GRIK1: variants seen among roughly 807,000 people sequenced by gnomAD.
GRIK1 encodes glutamate receptor ionotropic, kainate 1.
In GRIK1, 69 loss-of-function variants were observed where a neutral mutation model predicts 105.7. That is an observed-to-expected ratio of 0.65 (90% CI 0.54 to 0.80). The LOEUF (loss-of-function observed/expected upper bound fraction) is 0.80, where lower values mean the gene tolerates loss of function less well. GRIK1 is among the 30% of genes least tolerant of loss of function. GRIK1 has a pLI of 0.00. For missense variants in GRIK1, 1,109 were observed against 1,167.3 expected (o/e 0.95, Z 0.73); for synonymous variants, 438 against 431.3 (o/e 1.02, Z -0.19).
chr21:29,845,456 G>A (rs891281100), intron 1 of GRIK1, among the ~76,000 whole-genome samples: 1 of 151,924 alleles, frequency 6.6e-6, no homozygotes, highest in Non-Finnish European at 1.5e-5. Flanking sequence ...TTAATCCTGC[G>A]TTGGTTACTC....
At chr21:29,628,334 G>A (rs188606233) in intron 7 of GRIK1, among the ~76,000 whole-genome samples, 303 of 152,270 alleles carry the variant, frequency 2.0e-3, no homozygotes, top group African/African-American at 6.9e-3. Context: ...TTTATCATAT[G>A]TTCATCTGTT....
At chr21:29,541,943 T>C (rs955590870) in intron 16 of GRIK1, among the ~76,000 whole-genome samples, 6 of 152,188 alleles carry the variant, frequency 3.9e-5, no homozygotes, top group African/African-American at 1.4e-4. Flanking sequence ...TAATGTCTGA[T>C]AGAAAAATTC....
chr21:29,809,263 A>C (rs1220383603), intron 1 of GRIK1, among the ~76,000 whole-genome samples: 1 of 152,206 alleles, frequency 6.6e-6, no homozygotes, highest in African/African-American at 2.4e-5. Context: ...GACCACTGCA[A>C]TAAAGTGAAT....
rs753770239 is a variant in GRIK1, at chr21:29,694,044, C to A, written c.138G>T (p.Val46=). The A allele has an allele frequency of 3.1e-6, 5 of 1,612,414 alleles. No individual in the cohort carries two copies. The highest frequency in any genetic ancestry group is 4.2e-6 in the Non-Finnish European group (5 of 1,178,984). ...CTTCAACATTAACAGGCTCATTTTC[C>A]ACTGTTTCAAAAATCCCTCCTGCAG... ...VLRIGGIFET[V]ENEPVNVEEL... Residue 46 remains valine (V), a synonymous_variant, in exon 2 of 18, where the codon GTG becomes GTT. Coordinates refer to ENST00000327783, the MANE Select transcript of GRIK1 (RefSeq NM_001330994.2).
chr21:29,867,942 G>C (rs1049582184), intron 1 of GRIK1, among the ~76,000 whole-genome samples: 1 of 148,410 alleles, frequency 6.7e-6, no homozygotes, highest in East Asian at 2.0e-4. Context: ...GAGAAAGAGA[G>C]AGAGAAAGAG....
At chr21:29,642,804 G>T (rs1267541521) in intron 7 of GRIK1, 22 bp downstream of exon 7, 1 of 1,612,420 alleles carries the variant, frequency 6.2e-7, no homozygotes, top group Non-Finnish European at 8.5e-7. Flanking sequence ...GGGCCCCTGG[G>T]CTGTGAGGGA....
At chr21:29,846,455 A>AAGAG (rs1251118465) in intron 1 of GRIK1, among the ~76,000 whole-genome samples, 13 of 103,372 alleles carry the variant, frequency 1.3e-4, no homozygotes, top group African/African-American at 4.9e-4. Context: ...GAAAGAAGGA[A>AAGAG]AGAGAGAGAG....
At chr21:29,591,319 G>A (rs184225904) in intron 9 of GRIK1, 94 bp from the exon 10 acceptor site, 4 of 801,076 alleles carry the variant, frequency 5.0e-6, no homozygotes, top group Admixed American at 3.4e-5. Flanking sequence ...GGGCACAAAA[G>A]CTCACAGTTT....
At chr21:29,544,802 G>A (rs1240400160) in intron 16 of GRIK1, among the ~76,000 whole-genome samples, 2 of 152,194 alleles carry the variant, frequency 1.3e-5, no homozygotes, top group Non-Finnish European at 2.9e-5. Flanking sequence ...TAAAGAAAGG[G>A]TTGTCTCGTA....
chr21:29,653,474 G>T (rs550060816), intron 5 of GRIK1, among the ~76,000 whole-genome samples: 9 of 152,248 alleles, frequency 5.9e-5, no homozygotes, highest in African/African-American at 2.2e-4. Flanking sequence ...CATCCTCTAT[G>T]GTCTCCTAGC....
intron 1 of GRIK1, among the ~76,000 whole-genome samples, chr21:29,849,838 A>G (rs914407285): frequency 6.6e-6 from 1 of 152,204 alleles, no homozygotes; most frequent in African/African-American, 2.4e-5. Flanking sequence ...AAGCTAGCAT[A>G]AAGATGCAGA....
intron 1 of GRIK1, among the ~76,000 whole-genome samples, chr21:29,712,525 T>C (rs2146821789): frequency 6.6e-6 from 1 of 152,258 alleles, no homozygotes; most frequent in Middle Eastern, 3.4e-3. Flanking sequence ...TACTCATTTC[T>C]CTAAATTTCC....
intron 1 of GRIK1, among the ~76,000 whole-genome samples, chr21:29,865,936 G>T (rs2068787396): frequency 6.6e-6 from 1 of 152,156 alleles, no homozygotes; most frequent in Non-Finnish European, 1.5e-5. Flanking sequence ...AGGCTTGTTA[G>T]ATAAAGCACA....
At chr21:29,755,561 C>A (rs545735041) in intron 1 of GRIK1, among the ~76,000 whole-genome samples, 1 of 152,164 alleles carries the variant, frequency 6.6e-6, no homozygotes, top group East Asian at 1.9e-4. Context: ...TAGCGGCCAC[C>A]GCAAAACATC....
chr21:29,642,123 C>T (rs943356716), intron 7 of GRIK1, among the ~76,000 whole-genome samples: 4 of 152,124 alleles, frequency 2.6e-5, no homozygotes, highest in East Asian at 1.9e-4. Flanking sequence ...CCCTGAGGTT[C>T]GTGGTGGAAT....
intron 1 of GRIK1, among the ~76,000 whole-genome samples, chr21:29,842,349 T>C (rs1039519026): frequency 7.9e-5 from 12 of 152,160 alleles, no homozygotes; most frequent in African/African-American, 2.7e-4. Context: ...AAGAGGATGC[T>C]TATGTTCATT....
chr21:29,864,780 A>G (rs1732963738), intron 1 of GRIK1, among the ~76,000 whole-genome samples: 1 of 152,160 alleles, frequency 6.6e-6, no homozygotes, highest in South Asian at 2.1e-4. Context: ...AGTATGTGGA[A>G]CTAGAAGCTC....
intron 1 of GRIK1, among the ~76,000 whole-genome samples, chr21:29,811,422 C>G (rs887382238): frequency 6.6e-6 from 1 of 152,080 alleles, no homozygotes; most frequent in Non-Finnish European, 1.5e-5. Context: ...AAATACAGTG[C>G]TATTTAGTGA....
chr21:29,788,740 A>T (rs464933), intron 1 of GRIK1, among the ~76,000 whole-genome samples: 2 of 152,214 alleles, frequency 1.3e-5, no homozygotes. Flanking sequence ...GTCTCATCTG[A>T]GGGTGATGGG....
Sources: gnomAD v4.1 joint callset for allele counts (sites outside exome capture counted in the v4.1 genomes callset) on GRCh38, gnomAD v4.1.1 for gene constraint, MANE v1.5 for transcripts, NCBI Gene and HGNC (gene_info 2026-07-23, HGNC 2026-07-21) for gene names.